The following FARS2 variants were observed in gnomAD, a reference collection of about 807,000 sequenced individuals.
The protein encoded by FARS2 is phenylalanyl-tRNA synthetase 2, mitochondrial.
Under a neutral mutation model 46.4 loss-of-function variants are expected in FARS2, and 40 were observed. The observed-to-expected ratio is 0.86, with a 90% CI of 0.67 to 1.12. The LOEUF (loss-of-function observed/expected upper bound fraction) is 1.12. Ranked by LOEUF, FARS2 falls within the 50% of genes most tolerant of loss-of-function variation. The pLI, the probability that FARS2 is intolerant of heterozygous loss-of-function variation, is 0.00. For synonymous variants in FARS2, 234 were observed against 214.9 expected, an observed-to-expected ratio of 1.09 and a Z score of -0.78; for missense variants, 513 against 567.9, an observed-to-expected ratio of 0.90 and a Z score of 0.98.
At chr6:5,655,915 T>C (rs984352826) in intron 6 of FARS2, among the ~76,000 whole-genome samples, 2 of 152,234 alleles carry the variant, frequency 1.3e-5, no homozygotes, top group Admixed American at 6.5e-5. Context: ...CATAACTCAC[T>C]TCCCTGTTAT....
chr6:5,613,410 G>A lies in FARS2; in HGVS notation c.1217+90G>A, dbSNP rs1775296570. The A allele has an allele frequency of 4.5e-6, 5 of 1,102,360 alleles. No individual in the cohort carries two copies. The Admixed American group carries it at 1.1e-4, about 24-fold the overall frequency. The allele number at this position is 1,102,360 out of a possible 1,614,324, so 68.3% of individuals were successfully genotyped here. ...ATATCATAAAATTTGCTGAAACCCAGGGTATCTGAGACAAAATGTCTTCTG... is the reference window on the plus strand; with the variant it reads ...ATATCATAAAATTTGCTGAAACCCAAGGTATCTGAGACAAAATGTCTTCTG... On this transcript the variant is annotated intron_variant, in intron 6 of 6. Coordinates refer to ENST00000274680, the MANE Select transcript of FARS2 (RefSeq NM_006567.5).
intron 5 of FARS2, among the ~76,000 whole-genome samples, chr6:5,612,155 C>T (rs1775223816): frequency 6.6e-6 from 1 of 152,194 alleles, no homozygotes; most frequent in South Asian, 2.1e-4. Flanking sequence ...ATTTGTTTGA[C>T]AACTTTATTG....
intron 6 of FARS2, among the ~76,000 whole-genome samples, chr6:5,665,818 A>C (rs111791200): frequency 2.0e-5 from 3 of 152,322 alleles, no homozygotes; most frequent in African/African-American, 7.2e-5. Context: ...TCAAATTGGT[A>C]AGTGAGAAGC....
Position 5,544,644 on chromosome 6 carries a change from G to C in FARS2, c.905-536G>C, listed in dbSNP as rs1420300095. On this transcript the variant is annotated intron_variant, in intron 4 of 6. Coordinates refer to ENST00000274680, the MANE Select transcript of FARS2 (RefSeq NM_006567.5). ...GCCTGCTTGTGTTCTCTGCAATGCT[G>C]AAGTGGCTGTTGGTAAGAATAAGCA... Among the ~76,000 whole-genome samples, 4 of 152,172 alleles carry C rather than the reference G, an allele frequency of 2.6e-5. No individual in the cohort carries two copies. In the East Asian group the frequency reaches 7.7e-4, roughly 29 times the overall value.
intron 4 of FARS2, among the ~76,000 whole-genome samples, chr6:5,516,031 A>G (rs1045979412): frequency 6.6e-6 from 1 of 152,124 alleles, no homozygotes; most frequent in Non-Finnish European, 1.5e-5. Context: ...ACTTAGCACA[A>G]CGAGGTTATG....
chr6:5,680,470 G>C (rs1778977613), intron 6 of FARS2, among the ~76,000 whole-genome samples: 1 of 152,142 alleles, frequency 6.6e-6, no homozygotes, highest in African/African-American at 2.4e-5. Flanking sequence ...CGCTAAATGA[G>C]AATTATGATC....
chr6:5,407,067 A>ATATATATATATATATATATATATC (rs1562017949), intron 3 of FARS2, among the ~76,000 whole-genome samples: 1 of 96,446 alleles, frequency 1.0e-5, no homozygotes, highest in Non-Finnish European at 2.4e-5. Context: ...ATATATATAT[A>ATATATATATATATATATATATATC]ATGACCAATA....
At position 5,765,383 on chromosome 6, in the gene FARS2, G is replaced by A. The variant is rs960128204; in HGVS notation, c.1218-5908G>A. Among the ~76,000 whole-genome samples, 1 of 152,264 alleles carries A rather than the reference G, an allele frequency of 6.6e-6. No individual in the cohort carries two copies. ...TGAATCTCTCAGAAGGGGAGCTGAC[G>A]GGCGGCAGTGGGAGAGTGGAAGAGG... On this transcript the variant is annotated intron_variant, in intron 6 of 6. Coordinates refer to ENST00000274680, the MANE Select transcript of FARS2 (RefSeq NM_006567.5). This position sits in a 1 kb window ranked among gnomAD's most constrained non-coding sequence, Gnocchi z 4.0.
At chr6:5,478,899 C>G (rs1766281857) in intron 4 of FARS2, among the ~76,000 whole-genome samples, 1 of 152,210 alleles carries the variant, frequency 6.6e-6, no homozygotes, top group African/African-American at 2.4e-5. Flanking sequence ...GGGAGTGAGA[C>G]AGAGCCCCAA....
At chr6:5,562,290 C>T (rs1449491598) in intron 5 of FARS2, among the ~76,000 whole-genome samples, 1 of 151,424 alleles carries the variant, frequency 6.6e-6, no homozygotes, top group Non-Finnish European at 1.5e-5. Flanking sequence ...CCTAGGGTGC[C>T]CAGTTAAGAA....
intron 6 of FARS2, among the ~76,000 whole-genome samples, chr6:5,633,801 T>C (rs943833154): frequency 1.6e-4 from 24 of 152,324 alleles, no homozygotes; most frequent in African/African-American, 5.8e-4. Flanking sequence ...TTTGTATTCC[T>C]CTCTTAATTG....
At chr6:5,656,120 A>G (rs75937010) in intron 6 of FARS2, among the ~76,000 whole-genome samples, 2,797 of 152,278 alleles carry the variant, frequency 0.018, 98 homozygotes, top group African/African-American at 0.064. Flanking sequence ...CTCTCCTTTC[A>G]TCTCCAAGTA....
At chr6:5,444,717 G>A (rs1286662015) in intron 4 of FARS2, among the ~76,000 whole-genome samples, 1 of 152,120 alleles carries the variant, frequency 6.6e-6, no homozygotes, top group African/African-American at 2.4e-5. Flanking sequence ...GTGGGTGGGT[G>A]GACCCCCCAC....
At chr6:5,627,516 C>A (rs925908624) in intron 6 of FARS2, among the ~76,000 whole-genome samples, 1 of 152,148 alleles carries the variant, frequency 6.6e-6, no homozygotes, top group Admixed American at 6.5e-5. Flanking sequence ...ATTGCCTGTC[C>A]GGCAATGCAC....
In FARS2 at chr6:5,554,606, G is replaced by T. The variant is rs115213872; in HGVS notation, c.1065+9266G>T. Among the ~76,000 whole-genome samples the T allele has an allele frequency of 4.2e-3, 639 of 152,288 alleles. 7 individuals are homozygous for T. The highest frequency in any genetic ancestry group is 0.014 in the Middle Eastern group (4 of 294). On this transcript the variant is annotated intron_variant, in intron 5 of 6. Coordinates refer to ENST00000274680, the MANE Select transcript of FARS2 (RefSeq NM_006567.5). ...TTCACCTGTACATTAATTTGTTGAG[G>T]ACCTTATAATACTTGGCATTTGTTG...
In FARS2 at chr6:5,476,570, A is replaced by T. The variant is rs1358773590; in HGVS notation, c.904+45398A>T. On this transcript the variant is annotated intron_variant, in intron 4 of 6. Transcript: ENST00000274680. Reference sequence around the variant, plus strand: ...AATGAATGAATGGAGTGAGGGAGGGATGAACAAATGAAAGAATGAAGTGAG... The same window carrying T: ...AATGAATGAATGGAGTGAGGGAGGGTTGAACAAATGAAAGAATGAAGTGAG... 2.6e-5 allele frequency among the ~76,000 whole-genome samples: 4 copies of T among 152,188 alleles called. No individual in the cohort carries two copies. In the East Asian group the frequency reaches 7.7e-4, roughly 29 times the overall value.
intron 6 of FARS2, among the ~76,000 whole-genome samples, chr6:5,723,354 T>C (rs1382809924): frequency 1.3e-5 from 2 of 151,840 alleles, no homozygotes; most frequent in Non-Finnish European, 2.9e-5. Flanking sequence ...ATATCAAGTG[T>C]AGTATCATGG....
chr6:5,629,142 A>G (rs985800770), intron 6 of FARS2, among the ~76,000 whole-genome samples: 3 of 152,216 alleles, frequency 2.0e-5, no homozygotes, highest in Middle Eastern at 6.3e-3. Flanking sequence ...AACACTTACC[A>G]TGGGTGAGGC....
rs2472865 is a variant in FARS2, at chr6:5,471,800, G to A, written c.904+40628G>A. Among the ~76,000 whole-genome samples, 31,188 of 152,148 alleles carry A rather than the reference G, an allele frequency of 0.2. 3,935 individuals are homozygous for A. Among genetic ancestry groups the A allele is most frequent in the South Asian group, 0.32 (1,521 of 4,818 alleles). On this transcript the variant is annotated intron_variant, in intron 4 of 6. Coordinates refer to ENST00000274680, the MANE Select transcript of FARS2 (RefSeq NM_006567.5). The surrounding 1 kb of genome is among the most constrained non-coding windows in gnomAD (Gnocchi z 4.1). ...CCCACCAGTGCACATGGTGCGCCCC[G>A]TCTGACACCAGGGCGACTTGAGAAT... is the stretch of plus-strand genomic sequence containing the variant.
Sources: gnomAD v4.1 joint callset for allele counts (sites outside exome capture counted in the v4.1 genomes callset) on GRCh38, gnomAD v4.1.1 for gene constraint, Gnocchi (gnomAD v3.1) non-coding constraint, MANE v1.5 for transcripts, NCBI Gene and HGNC (gene_info 2026-07-23, HGNC 2026-07-21) for gene names.